Variants in AFF4 observed in about 807,000 individuals in gnomAD.
AFF4 encodes the protein ALF transcription elongation factor 4.
AFF4 carries 13 observed loss-of-function variants against 124.8 expected under a neutral mutation model. The observed-to-expected ratio is 0.10, with a 90% CI of 0.07 to 0.17. The LOEUF (loss-of-function observed/expected upper bound fraction) is 0.17, where lower values mean the gene tolerates loss of function less well. Among genes scored for constraint, AFF4 ranks in the 10% least tolerant of loss-of-function variants. AFF4 has a pLI of 1.00. For missense variants in AFF4, 1,092 were observed against 1,403.8 expected (o/e 0.78, Z 3.55); for synonymous variants, 477 against 496.1 (o/e 0.96, Z 0.51).
intron 1 of AFF4, among the ~76,000 whole-genome samples, chr5:132,941,410 T>A (rs1174337704): frequency 6.6e-6 from 1 of 152,136 alleles, no homozygotes; most frequent in Non-Finnish European, 1.5e-5. Flanking sequence ...CTCAGCTCAC[T>A]GCAACCTCAG....
chr5:132,954,706 C>T (rs905211636), intron 1 of AFF4, among the ~76,000 whole-genome samples: 4 of 151,758 alleles, frequency 2.6e-5, no homozygotes, highest in African/African-American at 9.7e-5. Flanking sequence ...CGCCACTACG[C>T]CTGGCTAATT....
Position 132,880,055 on chromosome 5 carries a change from G to C in AFF4, c.*1004C>G, listed in dbSNP as rs750545263. On this transcript the variant is annotated 3_prime_UTR_variant, in exon 21 of 21. Transcript: ENST00000265343. The stretch of plus-strand genomic sequence containing the variant: ...ATCAGAGCATCACAATCCAGTATGA[G>C]GGGGAAAAATCTGAAAAATAACTCT... The C allele has an allele frequency of 2.5e-6, 1 of 394,882 alleles. No homozygotes were observed. Among genetic ancestry groups the C allele is most frequent in the East Asian group, 3.6e-5 (1 of 27,962 alleles). 24.5% of individuals were successfully genotyped at this position (394,882 alleles called of 1,614,324 possible).
At chr5:132,940,008 G>A (rs1761529567) in intron 1 of AFF4, among the ~76,000 whole-genome samples, 1 of 152,192 alleles carries the variant, frequency 6.6e-6, no homozygotes, top group Non-Finnish European at 1.5e-5. Flanking sequence ...GACCAGCCTG[G>A]CCAATGCAGT....
At chr5:132,882,014 C>T (rs1157510111) in intron 20 of AFF4, among the ~76,000 whole-genome samples, 8 of 151,708 alleles carry the variant, frequency 5.3e-5, no homozygotes, top group Non-Finnish European at 1.2e-4. Flanking sequence ...TGTTGGGATT[C>T]CTAGCCTGGG....
intron 1 of AFF4, among the ~76,000 whole-genome samples, chr5:132,946,771 TAA>T (rs1429010456): frequency 6.6e-6 from 1 of 152,220 alleles, no homozygotes; most frequent in African/African-American, 2.4e-5. Flanking sequence ...GTAAAATTAT[TAA>T]AATAGTAAAT....
chr5:132,962,366 T>C (rs1036261380), intron 1 of AFF4, among the ~76,000 whole-genome samples: 2 of 152,154 alleles, frequency 1.3e-5, no homozygotes, highest in African/African-American at 2.4e-5. Context: ...AAAATTTCCA[T>C]GTGGCCAGCA....
chr5:132,918,056 AAT>A (rs1202394072), intron 5 of AFF4, among the ~76,000 whole-genome samples: 3 of 151,844 alleles, frequency 2.0e-5, no homozygotes, highest in Non-Finnish European at 4.4e-5. Context: ...GGAAAAATCA[AAT>A]ACTGAAATTT....
At chr5:132,886,949 C>T (rs1561479656) in intron 17 of AFF4, among the ~76,000 whole-genome samples, 1 of 152,190 alleles carries the variant, frequency 6.6e-6, no homozygotes, top group Non-Finnish European at 1.5e-5. Context: ...TCTACTGTTA[C>T]AGTTACATAT....
intron 1 of AFF4, chr5:132,943,638 T>A (rs1184065744): frequency 1.4e-5 from 3 of 217,980 alleles, no homozygotes; most frequent in African/African-American, 2.3e-5. Context: ...CAATATACCA[T>A]GAAGCTTTGA....
At chr5:132,924,778 C>A (rs549950268) in intron 5 of AFF4, among the ~76,000 whole-genome samples, 1 of 152,046 alleles carries the variant, frequency 6.6e-6, no homozygotes, top group South Asian at 2.1e-4. Context: ...TCGCTTGAAC[C>A]CAGGAGGCGG....
chr5:132,900,497 T>G (rs1299120139), intron 7 of AFF4, among the ~76,000 whole-genome samples: 2 of 152,078 alleles, frequency 1.3e-5, no homozygotes, highest in East Asian at 3.9e-4. Context: ...GAGCTGGAGG[T>G]TGCAGTGAGC....
intron 5 of AFF4, among the ~76,000 whole-genome samples, chr5:132,909,283 T>C: frequency 6.6e-6 from 1 of 152,006 alleles, no homozygotes; most frequent in Non-Finnish European, 1.5e-5. Context: ...TAGCTGGGAT[T>C]ATAGGCGCAT....
rs1221741785 is a variant in AFF4, at chr5:132,932,218, G to A, written c.923C>T (p.Ser308Leu). 10 of 1,606,142 alleles carry A rather than the reference G, an allele frequency of 6.2e-6. No individual in the cohort carries two copies. The highest frequency in any genetic ancestry group is 7.6e-6 in the Non-Finnish European group (9 of 1,176,992). Residue 308 changes from serine (S) to leucine (L), a missense_variant, in exon 4 of 21, where the codon TCA (serine) becomes TTA (leucine). This residue lies in a region of AFF4 where 148 missense variants were observed against 196.3 expected (regional missense o/e 0.75). Coordinates refer to ENST00000265343, the MANE Select transcript of AFF4 (RefSeq NM_014423.4). Reference sequence around the variant, plus strand: ...CACACAGCTCACATCACCAGAAGCTGATGCCTTGAAAGAAAAAGCAGCACA... The same window carrying A: ...CACACAGCTCACATCACCAGAAGCTAATGCCTTGAAAGAAAAAGCAGCACA... ...LKIPSQPLDA[S>L]ASGDVSCVDE...
intron 1 of AFF4, among the ~76,000 whole-genome samples, chr5:132,939,302 T>C (rs1243740106): frequency 1.3e-5 from 2 of 152,100 alleles, no homozygotes; most frequent in Non-Finnish European, 2.9e-5. Context: ...ATAAGCTTAA[T>C]GTATACAATT....
chr5:132,907,724 T>C (rs1303932187), intron 5 of AFF4, among the ~76,000 whole-genome samples: 1 of 151,386 alleles, frequency 6.6e-6, no homozygotes, highest in African/African-American at 2.4e-5. Context: ...GGAAATAAAC[T>C]GGGAAAGGAA....
At position 132,881,115 on chromosome 5, in the gene AFF4, G is replaced by T; in HGVS notation, c.3436C>A (p.Arg1146Ser). ...FNASIMTDLV[R>S]YTRQGLHWLR... ...CAGTGCAGTCCCTGCCGGGTATAAC[G>T]AACTAGATCTGTCATGATGCTTGCA... Residue 1146 changes from arginine (R) to serine (S), a missense_variant, in exon 21 of 21, where the codon CGT (arginine) becomes AGT (serine). Coordinates refer to ENST00000265343, the MANE Select transcript of AFF4 (RefSeq NM_014423.4). The T allele has an allele frequency of 6.2e-7, 1 of 1,614,160 alleles. No individual in the cohort carries two copies. The highest frequency in any genetic ancestry group is 1.1e-5 in the South Asian group (1 of 91,070).
At position 132,934,575 on chromosome 5, in the gene AFF4, G is replaced by A. The variant is rs764099110; in HGVS notation, c.490C>T (p.Arg164Trp). 20 of 1,613,828 alleles carry A rather than the reference G, an allele frequency of 1.2e-5. No individual in the cohort carries two copies. The highest frequency in any genetic ancestry group is 1.4e-5 in the Non-Finnish European group (17 of 1,180,014). Residue 164 changes from arginine (R) to tryptophan (W), a missense_variant, in exon 3 of 21, where the codon CGG (arginine) becomes TGG (tryptophan). Arg to Trp is a moderately radical substitution (Grantham distance 101, BLOSUM62 -3). This residue lies in a region of AFF4 where 188 missense variants were observed against 203.0 expected (regional missense o/e 0.93). Transcript: ENST00000265343. ...ESYNNSGSSS[R>W]KKGQHGSEHS... ...TCTGATCCATGCTGGCCTTTTTTCC[G>A]GCTACTGCTCCCACTATTGTTATAT...
intron 5 of AFF4, chr5:132,926,352 T>A: frequency 3.7e-6 from 1 of 271,534 alleles, no homozygotes; most frequent in Non-Finnish European, 7.6e-6. Context: ...CTGTTAAGTA[T>A]AAGTTTAAAA....
At chr5:132,945,967 G>A (rs1475905878) in intron 1 of AFF4, among the ~76,000 whole-genome samples, 1 of 151,998 alleles carries the variant, frequency 6.6e-6, no homozygotes. Flanking sequence ...GGATGAGGCA[G>A]GAGAATTGCT....
Sources: allele counts gnomAD v4.1 joint callset (sites outside exome capture counted in the v4.1 genomes callset), GRCh38; gene constraint gnomAD v4.1.1; regional missense constraint gnomAD v4.1.1; transcripts MANE v1.5; gene names NCBI Gene and HGNC (gene_info 2026-07-23, HGNC 2026-07-21).